The following ADGRB3 variants were observed in gnomAD, a reference collection of about 807,000 sequenced individuals.
The protein encoded by ADGRB3 is brain-specific angiogenesis inhibitor 3.
A neutral mutation model predicts 193.4 loss-of-function variants in ADGRB3; 37 were observed. That is an observed-to-expected ratio of 0.19 (90% CI 0.15 to 0.25). The LOEUF (loss-of-function observed/expected upper bound fraction) is 0.25. Among genes scored for constraint, ADGRB3 ranks in the 10% least tolerant of loss-of-function variants. ADGRB3 has a pLI of 1.00. For synonymous variants in ADGRB3, 690 were observed against 644.2 expected (o/e 1.07, Z -1.08); for missense variants, 1,637 against 1,852.9 (o/e 0.88, Z 2.14).
intron 11 of ADGRB3, among the ~76,000 whole-genome samples, chr6:68,999,988 CT>C (rs202015588): frequency 1.3e-5 from 2 of 151,828 alleles, no homozygotes; most frequent in African/African-American, 4.8e-5. Flanking sequence ...TGTTCATTTA[CT>C]TTTTTTTCAC....
chr6:69,036,056 G>GAAAA lies in ADGRB3; in HGVS notation c.2108-12128_2108-12125dup, dbSNP rs147152862. On this transcript the variant is annotated intron_variant, in intron 13 of 31. Transcript: ENST00000370598. ...TTAGTATTAGGTCTGGAGTTAAGAA[G>GAAAA]AAAATGTCTTATCCCTATTATGGCC... Among the ~76,000 whole-genome samples the GAAAA allele has an allele frequency of 5.8e-3, 878 of 152,244 alleles. 2 individuals are homozygous for GAAAA. The highest frequency in any genetic ancestry group is 9.6e-3 in the Admixed American group (147 of 15,294).
chr6:68,722,545 A>G (rs1275806137), intron 3 of ADGRB3, among the ~76,000 whole-genome samples: 1 of 151,648 alleles, frequency 6.6e-6, no homozygotes, highest in Non-Finnish European at 1.5e-5. Flanking sequence ...GACGCTTAAA[A>G]GATGAAGTTA....
chr6:68,664,574 A>G (rs1325494519), intron 3 of ADGRB3, among the ~76,000 whole-genome samples: 2 of 151,848 alleles, frequency 1.3e-5, no homozygotes, highest in Non-Finnish European at 2.9e-5. Context: ...GGCTCCCAGA[A>G]CTATGAGAAA....
At chr6:68,810,076 AC>A (rs1767480389) in intron 3 of ADGRB3, among the ~76,000 whole-genome samples, 1 of 152,124 alleles carries the variant, frequency 6.6e-6, no homozygotes, top group South Asian at 2.1e-4. Context: ...ACTTTTCCTG[AC>A]ATTTCACTGA....
chr6:69,138,838 A>G (rs1459322386), intron 17 of ADGRB3, among the ~76,000 whole-genome samples: 1 of 152,234 alleles, frequency 6.6e-6, no homozygotes, highest in Non-Finnish European at 1.5e-5. Context: ...AAGGGAAGCA[A>G]AGGTTATAAA....
chr6:69,350,184 C>T lies in ADGRB3; in HGVS notation c.3460-4049C>T, dbSNP rs79330950. On this transcript the variant is annotated intron_variant, in intron 26 of 31. Coordinates refer to ENST00000370598, the MANE Select transcript of ADGRB3 (RefSeq NM_001704.3). ...TTTCAGGAGTTTTTAGAGCAACCCC[C>T]AGCAGGAGCCAGTCAAAATAACTTT... Among the ~76,000 whole-genome samples the T allele has an allele frequency of 1.1e-4, 17 of 152,242 alleles. No homozygotes were observed. In the East Asian group the frequency reaches 3.1e-3, roughly 28 times the overall value.
chr6:68,779,720 C>G (rs1306959689), intron 3 of ADGRB3, among the ~76,000 whole-genome samples: 2 of 152,010 alleles, frequency 1.3e-5, no homozygotes, highest in African/African-American at 4.8e-5. Flanking sequence ...TAGAGAGAGG[C>G]TAAGAATTTT....
chr6:69,124,526 A>G (rs1479927833), intron 17 of ADGRB3, among the ~76,000 whole-genome samples: 1 of 152,216 alleles, frequency 6.6e-6, no homozygotes, highest in African/African-American at 2.4e-5. Context: ...TAATACCTAC[A>G]TTAGAAGAGT....
At chr6:69,281,952 A>G (rs952236898) in intron 20 of ADGRB3, among the ~76,000 whole-genome samples, 2 of 152,138 alleles carry the variant, frequency 1.3e-5, no homozygotes, top group African/African-American at 4.8e-5. Context: ...GTCAGTGGGA[A>G]AGGGAAAGAC....
At chr6:69,305,292 A>C (rs1356201435) in intron 20 of ADGRB3, among the ~76,000 whole-genome samples, 1 of 151,566 alleles carries the variant, frequency 6.6e-6, no homozygotes, top group Non-Finnish European at 1.5e-5. Context: ...TCTGTTAATC[A>C]TATGGTGTTC....
chr6:68,875,044 T>C (rs1229178353), intron 3 of ADGRB3, among the ~76,000 whole-genome samples: 1 of 118,368 alleles, frequency 8.4e-6, no homozygotes, highest in Non-Finnish European at 1.9e-5. Flanking sequence ...TCTTTCCTCC[T>C]TCCTTCCTTC....
intron 17 of ADGRB3, among the ~76,000 whole-genome samples, chr6:69,086,687 T>A (rs1045636552): frequency 3.3e-5 from 5 of 152,048 alleles, no homozygotes; most frequent in Admixed American, 2.6e-4. Flanking sequence ...TTCTAAAAAG[T>A]GCATTTTTGT....
chr6:69,388,585 C>A, intron 31 of ADGRB3, 118 bp from the exon 32 acceptor site: 2 of 954,758 alleles, frequency 2.1e-6, no homozygotes, highest in Non-Finnish European at 3.0e-6. Context: ...ATTTTCAAGT[C>A]ATCTCTGCAT....
intron 20 of ADGRB3, among the ~76,000 whole-genome samples, chr6:69,251,272 A>T (rs1046468577): frequency 2.0e-5 from 3 of 152,206 alleles, no homozygotes; most frequent in Admixed American, 1.3e-4. Flanking sequence ...TGTTCTGCAG[A>T]TAAAATACAA....
chr6:68,744,673 T>A (rs2127343800), intron 3 of ADGRB3, among the ~76,000 whole-genome samples: 2 of 151,980 alleles, frequency 1.3e-5, no homozygotes, highest in South Asian at 4.2e-4. Context: ...CACTCATAAG[T>A]GGGAGTTGAA....
chr6:69,146,821 C>CTTTTTTTTTTT (rs756561473), intron 17 of ADGRB3, among the ~76,000 whole-genome samples: 682 of 102,786 alleles, frequency 6.6e-3, no homozygotes, highest in East Asian at 0.013. Flanking sequence ...CTCATTACTT[C>CTTTTTTTTTTT]TTTTTTTTTT....
rs1314292581 is a variant in ADGRB3 at position 68,889,001 on chromosome 6, G to T, written c.758-41558G>T. ...GGGAAACATAAAAGTTATGTTCACT[G>T]ATGTATTTGCTTTCAGACATACTTG... On this transcript the variant is annotated intron_variant, in intron 3 of 31. Coordinates refer to ENST00000370598, the MANE Select transcript of ADGRB3 (RefSeq NM_001704.3). Among the ~76,000 whole-genome samples, 3 of 152,166 alleles carry T rather than the reference G, an allele frequency of 2.0e-5. No homozygotes were observed. The East Asian group carries it at 5.8e-4, about 29-fold the overall frequency.
At chr6:69,031,569 T>TC in intron 13 of ADGRB3, among the ~76,000 whole-genome samples, 3 of 133,948 alleles carry the variant, frequency 2.2e-5, no homozygotes. Flanking sequence ...CTTTCTTTTC[T>TC]TCCTCTGTCT....
chr6:69,261,777 T>C (rs1766934275), intron 20 of ADGRB3, among the ~76,000 whole-genome samples: 3 of 152,172 alleles, frequency 2.0e-5, no homozygotes, highest in Admixed American at 2.0e-4. Context: ...CATTTTTACA[T>C]TTCTGAGCAA....
Sources: gnomAD v4.1 joint callset for allele counts (sites outside exome capture counted in the v4.1 genomes callset) on GRCh38, gnomAD v4.1.1 for gene constraint, MANE v1.5 for transcripts, NCBI Gene and HGNC (gene_info 2026-07-23, HGNC 2026-07-21) for gene names.